The following HIVEP3 variants were observed in gnomAD, a reference collection of about 807,000 sequenced individuals.
HIVEP3 encodes transcription factor HIVEP3.
HIVEP3 carries 49 observed loss-of-function variants against 152.8 expected under a neutral mutation model. The ratio of observed to expected loss-of-function variants is 0.32; its 90% CI spans 0.26 to 0.41. The LOEUF (loss-of-function observed/expected upper bound fraction) is 0.41. Among genes scored for constraint, HIVEP3 ranks in the 10% least tolerant of loss-of-function variants. HIVEP3 has a pLI of 1.00. For synonymous variants in HIVEP3, 1,269 were observed against 1,289.0 expected, an observed-to-expected ratio of 0.98 and a Z score of 0.33; for missense variants, 2,790 against 3,103.3, an observed-to-expected ratio of 0.90 and a Z score of 2.40.
chr1:41,817,072 A>G (rs1383964049), intron 1 of HIVEP3, among the ~76,000 whole-genome samples: 2 of 152,244 alleles, frequency 1.3e-5, no homozygotes, highest in Non-Finnish European at 2.9e-5. Context: ...CAGGGATTAC[A>G]TCACTCACTG....
At chr1:41,589,821 C>T (rs570896599) in intron 3 of HIVEP3, among the ~76,000 whole-genome samples, 36 of 152,352 alleles carry the variant, frequency 2.4e-4, no homozygotes, top group African/African-American at 8.4e-4. Flanking sequence ...CTTACACACA[C>T]ACACCCCCAC....
intron 1 of HIVEP3, among the ~76,000 whole-genome samples, chr1:41,908,282 T>C (rs1644745237): frequency 6.6e-6 from 1 of 152,146 alleles, no homozygotes; most frequent in East Asian, 1.9e-4. Context: ...CTCAATTTAC[T>C]AAGAAAGAAT....
intron 2 of HIVEP3, among the ~76,000 whole-genome samples, chr1:41,649,412 C>T (rs1210380713): frequency 1.3e-5 from 2 of 152,190 alleles, no homozygotes; most frequent in Non-Finnish European, 2.9e-5. Context: ...GATTCTGTTG[C>T]AGTTAGTCAA....
intron 1 of HIVEP3, among the ~76,000 whole-genome samples, chr1:41,928,892 T>C (rs1280486390): frequency 6.6e-6 from 1 of 152,176 alleles, no homozygotes. Flanking sequence ...ACATCTGTAA[T>C]CCCAGAACTT....
intron 2 of HIVEP3, among the ~76,000 whole-genome samples, chr1:41,691,654 C>T (rs969099323): frequency 6.6e-6 from 1 of 152,202 alleles, no homozygotes; most frequent in African/African-American, 2.4e-5. Context: ...TCTTGAATTT[C>T]CCAGCCTTGA....
chr1:41,720,811 G>C (rs551612580), intron 1 of HIVEP3, among the ~76,000 whole-genome samples: 7 of 152,336 alleles, frequency 4.6e-5, no homozygotes, highest in Middle Eastern at 3.4e-3. Flanking sequence ...TGTCCATCCA[G>C]ATGAATGGAT....
chr1:42,011,223 T>G (rs1188186600), intron 1 of HIVEP3, among the ~76,000 whole-genome samples: 1 of 152,214 alleles, frequency 6.6e-6, no homozygotes, highest in Non-Finnish European at 1.5e-5. Flanking sequence ...ACATTTCTAT[T>G]AACACAAGTC....
intron 1 of HIVEP3, among the ~76,000 whole-genome samples, chr1:41,987,220 C>T (rs1305226840): frequency 6.6e-6 from 1 of 152,092 alleles, no homozygotes; most frequent in Non-Finnish European, 1.5e-5. Flanking sequence ...GACCTTACTA[C>T]CCAAAGTAAT....
At chr1:41,624,894 G>A (rs1010028957) in intron 3 of HIVEP3, among the ~76,000 whole-genome samples, 19 of 152,114 alleles carry the variant, frequency 1.2e-4, no homozygotes, top group African/African-American at 2.2e-4. Flanking sequence ...GGCCAGGCGC[G>A]GTGGCTCACG....
rs765711971 is a variant in HIVEP3 at position 41,581,806 on chromosome 1, T to C, written c.2992A>G (p.Asn998Asp). 8.2e-6 allele frequency: 13 copies of C among 1,587,316 alleles called. No individual in the cohort carries two copies. The highest frequency in any genetic ancestry group is 1.1e-5 in the Non-Finnish European group (13 of 1,166,546). The change falls in exon 4 of 9, where the codon AAC becomes GAC. Residue 998 changes from asparagine (N) to aspartate (D), a missense_variant. Coordinates refer to ENST00000372583, the MANE Select transcript of HIVEP3 (RefSeq NM_024503.5). The surrounding 1 kb of genome is among the most constrained non-coding windows in gnomAD (Gnocchi z 4.5). ...GTCATGTGGGCAGAATGGGAAACGT[T>C]GGGGCTCTGCTCTGAGGCTGACCTC... Reference protein sequence around the residue: ...MRRSASEQSPNVSHSAHMTET... With the variant: ...MRRSASEQSPDVSHSAHMTET...
chr1:41,736,480 C>T (rs780845531), intron 1 of HIVEP3, among the ~76,000 whole-genome samples: 34 of 152,194 alleles, frequency 2.2e-4, no homozygotes, highest in South Asian at 6.2e-4. Flanking sequence ...CCAGCTCCTT[C>T]TGCCACAGAA....
intron 1 of HIVEP3, among the ~76,000 whole-genome samples, chr1:42,016,111 C>T (rs1186764526): frequency 6.6e-6 from 1 of 152,160 alleles, no homozygotes; most frequent in Admixed American, 6.5e-5. Context: ...AGGCAAGCAT[C>T]CCATTTATGC....
At chr1:41,526,492 A>AC in intron 5 of HIVEP3, among the ~76,000 whole-genome samples, 1 of 76,918 alleles carries the variant, frequency 1.3e-5, no homozygotes, top group Non-Finnish European at 2.5e-5. Flanking sequence ...ACTCACCTTC[A>AC]CACTCCACAC....
At chr1:41,537,943 G>A (rs555127901) in intron 5 of HIVEP3, among the ~76,000 whole-genome samples, 33 of 152,360 alleles carry the variant, frequency 2.2e-4, no homozygotes, top group Admixed American at 5.9e-4. Context: ...TATTTCCTAA[G>A]GTCTGGTCTG....
intron 2 of HIVEP3, among the ~76,000 whole-genome samples, chr1:41,644,188 C>T (rs1286702600): frequency 1.3e-5 from 2 of 152,038 alleles, no homozygotes; most frequent in African/African-American, 4.8e-5. Context: ...GCCTGGCAAA[C>T]CTTCCTATCC....
intron 6 of HIVEP3, among the ~76,000 whole-genome samples, chr1:41,520,006 G>A (rs1211642743): frequency 1.3e-5 from 2 of 152,198 alleles, no homozygotes; most frequent in Non-Finnish European, 2.9e-5. Context: ...ACAGAAGGAT[G>A]AAAGAATGGG....
chr1:41,868,108 TACTA>T (rs1212087577), intron 1 of HIVEP3, among the ~76,000 whole-genome samples: 1 of 151,984 alleles, frequency 6.6e-6, no homozygotes, highest in African/African-American at 2.4e-5. Flanking sequence ...CCCTAGCTGA[TACTA>T]ACTCCAGCCA....
rs778856141 is a variant in HIVEP3, at chr1:41,583,582, G to A, written c.1216C>T (p.Pro406Ser). The change falls in exon 4 of 9, where the codon CCC (proline) becomes TCC (serine). Residue 406 changes from proline (P) to serine (S), a missense_variant. Coordinates refer to ENST00000372583, the MANE Select transcript of HIVEP3 (RefSeq NM_024503.5). This position sits in a 1 kb window ranked among gnomAD's most constrained non-coding sequence, Gnocchi z 6.9. ...RSESAEQQVSPPNTNAKSYAE... is the reference protein window; with the variant it reads ...RSESAEQQVSSPNTNAKSYAE... ...TAGGACTTGGCGTTGGTGTTTGGGG[G>A]GCTGACCTGCTGCTCTGCACTCTCG... 75 of 1,614,050 alleles carry A rather than the reference G, an allele frequency of 4.6e-5. No individual in the cohort carries two copies. Among genetic ancestry groups the A allele is most frequent in the African/African-American group, 1.2e-4 (9 of 74,994 alleles).
At chr1:41,536,564 G>T (rs1643406317) in intron 5 of HIVEP3, among the ~76,000 whole-genome samples, 1 of 152,130 alleles carries the variant, frequency 6.6e-6, no homozygotes, top group Non-Finnish European at 1.5e-5. Flanking sequence ...CGTAGGAGGG[G>T]ACGCGGTGGG....
Sources: allele counts gnomAD v4.1 joint callset (sites outside exome capture counted in the v4.1 genomes callset), GRCh38; gene constraint gnomAD v4.1.1; non-coding constraint Gnocchi (gnomAD v3.1); transcripts MANE v1.5; gene names NCBI Gene and HGNC (gene_info 2026-07-23, HGNC 2026-07-21).